The following LRBA variants were observed in gnomAD, a reference collection of about 807,000 sequenced individuals.
LRBA encodes the protein lipopolysaccharide-responsive and beige-like anchor protein.
In LRBA, 176 loss-of-function variants were observed where a neutral mutation model predicts 330.0. The observed-to-expected ratio is 0.53, with a 90% CI of 0.47 to 0.60. The LOEUF (loss-of-function observed/expected upper bound fraction) is 0.60, where lower values mean the gene tolerates loss of function less well. LRBA is among the 20% of genes least tolerant of loss of function. The probability of loss-of-function intolerance (pLI) is 0.00; values close to 1 mark genes in which losing one functional copy is unlikely to be tolerated. For synonymous variants in LRBA, 1,230 were observed against 1,193.0 expected (o/e 1.03, Z -0.64); for missense variants, 3,259 against 3,444.8 (o/e 0.95, Z 1.35).
chr4:150,585,675 A>G (rs1418573038), intron 40 of LRBA, among the ~76,000 whole-genome samples: 8 of 152,232 alleles, frequency 5.3e-5, no homozygotes, highest in Non-Finnish European at 1.0e-4. Context: ...GGTACAGAAT[A>G]TATGTCAGAT....
chr4:150,990,200 A>T lies in LRBA; in HGVS notation c.216+24227T>A, dbSNP rs1233823679. ...ATGTTAACCAGTTGTGTGTGTGTAT[A>T]TATTTACATATATATGTAAATTCAC... On this transcript the variant is annotated intron_variant, in intron 2 of 56. Transcript: ENST00000651943. 2.0e-5 allele frequency among the ~76,000 whole-genome samples: 3 copies of T among 152,224 alleles called. No individual in the cohort carries two copies. The East Asian group carries it at 5.8e-4, about 29-fold the overall frequency.
At chr4:150,313,790 A>G (rs1253888139) in intron 51 of LRBA, among the ~76,000 whole-genome samples, 1 of 150,612 alleles carries the variant, frequency 6.6e-6, no homozygotes, top group Admixed American at 6.7e-5. Flanking sequence ...TGGGGATGAT[A>G]GCCAAGTCTA....
At chr4:150,608,354 G>T (rs1398041359) in intron 37 of LRBA, among the ~76,000 whole-genome samples, 1 of 152,154 alleles carries the variant, frequency 6.6e-6, no homozygotes, top group Non-Finnish European at 1.5e-5. Flanking sequence ...AAGGGCAGGA[G>T]AAAGATGGGG....
chr4:150,441,494 T>G (rs1300556806), intron 44 of LRBA, among the ~76,000 whole-genome samples: 1 of 152,104 alleles, frequency 6.6e-6, no homozygotes, highest in African/African-American at 2.4e-5. Context: ...TAAAAGCACA[T>G]AACAGACTTT....
At chr4:150,568,733 T>C (rs1180733285) in intron 40 of LRBA, among the ~76,000 whole-genome samples, 1 of 152,154 alleles carries the variant, frequency 6.6e-6, no homozygotes, top group African/African-American at 2.4e-5. Flanking sequence ...TTTAGATATA[T>C]ATTCATATCA....
chr4:150,867,307 C>G (rs147904674), intron 22 of LRBA, among the ~76,000 whole-genome samples: 1 of 151,970 alleles, frequency 6.6e-6, no homozygotes, highest in African/African-American at 2.4e-5. Context: ...AATTCTGAGA[C>G]CCATGTTTGT....
chr4:150,485,073 G>A (rs1034601512), intron 42 of LRBA, among the ~76,000 whole-genome samples: 7 of 151,874 alleles, frequency 4.6e-5, no homozygotes, highest in African/African-American at 7.3e-5. Flanking sequence ...AATGTTCTAC[G>A]TGTATTTAAA....
At chr4:150,967,171 A>G (rs1028280938) in intron 2 of LRBA, among the ~76,000 whole-genome samples, 1 of 152,186 alleles carries the variant, frequency 6.6e-6, no homozygotes, top group Admixed American at 6.5e-5. Flanking sequence ...TTAATTCAGA[A>G]CTCTAATGAT....
chr4:150,416,342 C>T (rs1189270706), intron 46 of LRBA, among the ~76,000 whole-genome samples: 3 of 152,146 alleles, frequency 2.0e-5, no homozygotes, highest in Admixed American at 2.0e-4. Flanking sequence ...TCAGATATCC[C>T]CTCAGGGCCA....
chr4:150,385,559 G>A (rs907199454), intron 47 of LRBA, among the ~76,000 whole-genome samples: 64 of 152,204 alleles, frequency 4.2e-4, no homozygotes, highest in Admixed American at 2.6e-3. Flanking sequence ...GGAAATGGAT[G>A]GGTAGGAAAA....
At chr4:150,900,248 C>T in intron 13 of LRBA, 31 bp from the exon 14 acceptor site, 3 of 1,539,100 alleles carry the variant, frequency 1.9e-6, no homozygotes, top group Non-Finnish European at 1.8e-6. Context: ...ACTTAGAGAA[C>T]CCCACCAGCA....
intron 47 of LRBA, among the ~76,000 whole-genome samples, chr4:150,411,956 A>G (rs894323883): frequency 2.6e-5 from 4 of 152,210 alleles, no homozygotes; most frequent in Admixed American, 2.6e-4. Flanking sequence ...CAATACTAAC[A>G]ATTTAGTCAC....
chr4:150,569,518 G>A (rs1769577050), intron 40 of LRBA, among the ~76,000 whole-genome samples: 1 of 152,038 alleles, frequency 6.6e-6, no homozygotes, highest in Non-Finnish European at 1.5e-5. Flanking sequence ...GTCCCTGTGG[G>A]CTTGCCATTT....
chr4:150,706,652 A>C (rs1373498375), intron 36 of LRBA, among the ~76,000 whole-genome samples: 1 of 151,630 alleles, frequency 6.6e-6, no homozygotes, highest in South Asian at 2.1e-4. Flanking sequence ...ATCATAACTA[A>C]ACAAACAAAC....
chr4:150,819,751 C>T (rs1258236974), intron 30 of LRBA, among the ~76,000 whole-genome samples: 3 of 152,046 alleles, frequency 2.0e-5, no homozygotes, highest in African/African-American at 7.2e-5. Context: ...GCTAATTAAA[C>T]ACAACAAAAG....
intron 46 of LRBA, among the ~76,000 whole-genome samples, chr4:150,419,053 T>G (rs889143537): frequency 6.6e-6 from 1 of 152,152 alleles, no homozygotes; most frequent in African/African-American, 2.4e-5. Flanking sequence ...GGTCACTATA[T>G]GCCCATACAG....
At chr4:150,764,419 C>A (rs1735486103) in intron 34 of LRBA, among the ~76,000 whole-genome samples, 1 of 151,828 alleles carries the variant, frequency 6.6e-6, no homozygotes. Flanking sequence ...TACAAAAAAT[C>A]CTGGAATAAG....
intron 36 of LRBA, among the ~76,000 whole-genome samples, chr4:150,688,387 G>A (rs922267546): frequency 1.3e-5 from 2 of 152,150 alleles, no homozygotes; most frequent in Non-Finnish European, 2.9e-5. Context: ...TCAGGACATA[G>A]GCATGGGCAA....
intron 2 of LRBA, among the ~76,000 whole-genome samples, chr4:150,997,054 AT>A: frequency 6.6e-6 from 1 of 152,248 alleles, no homozygotes; most frequent in South Asian, 2.1e-4. Flanking sequence ...TTTTTATTTT[AT>A]TTTAATTTAA....
Sources: gnomAD v4.1 joint callset for allele counts (sites outside exome capture counted in the v4.1 genomes callset) on GRCh38, gnomAD v4.1.1 for gene constraint, MANE v1.5 for transcripts, NCBI Gene and HGNC (gene_info 2026-07-23, HGNC 2026-07-21) for gene names.